Variants in WDR3 observed in about 807,000 individuals in gnomAD.
The protein encoded by WDR3 is WD repeat-containing protein 3.
Under a neutral mutation model 123.7 loss-of-function variants are expected in WDR3, and 81 were observed. The observed-to-expected ratio is 0.65, with a 90% CI of 0.55 to 0.79. WDR3 has a LOEUF of 0.79. WDR3 is among the 30% of genes least tolerant of loss of function. The pLI, the probability that WDR3 is intolerant of heterozygous loss-of-function variation, is 0.00. For missense variants in WDR3, 1,027 were observed against 1,123.2 expected (o/e 0.91, Z 1.22); for synonymous variants, 390 against 388.8 (o/e 1.00, Z -0.04).
intron 11 of WDR3, among the ~76,000 whole-genome samples, chr1:117,945,251 G>A (rs112611485): frequency 8.5e-5 from 13 of 152,254 alleles, no homozygotes; most frequent in African/African-American, 3.1e-4. Context: ...ATCACTTCCA[G>A]TAGTTCCATC....
At position 117,939,511 on chromosome 1, in the gene WDR3, G is replaced by A. The variant is rs148060113; in HGVS notation, c.614G>A (p.Arg205Gln). The change falls in exon 6 of 27, where the codon CGA becomes CAA. Residue 205 changes from arginine (R) to glutamine (Q), a missense_variant. Transcript: ENST00000349139. ...TTGGTTCTGTTGTCAGAAGAAAAGCGACTCATCACTGGGGCCTCAGACAGT... is the reference window on the plus strand; with the variant it reads ...TTGGTTCTGTTGTCAGAAGAAAAGCAACTCATCACTGGGGCCTCAGACAGT... ...WGLVLLSEEK[R>Q]LITGASDSEL... 2.2e-5 allele frequency: 35 copies of A among 1,613,690 alleles called. No homozygotes were observed. Among genetic ancestry groups the A allele is most frequent in the African/African-American group, 1.5e-4 (11 of 74,998 alleles).
chr1:117,963,509 A>T lies in WDR3; in HGVS notation c.*4062A>T, dbSNP rs1053789421. The T allele has an allele frequency of 5.6e-6, 1 of 177,746 alleles. No individual in the cohort carries two copies. The highest frequency in any genetic ancestry group is 1.2e-5 in the Non-Finnish European group (1 of 82,860). The allele number at this position is 177,746 out of a possible 1,614,324, so 11.0% of individuals were successfully genotyped here. A position where few individuals can be genotyped will look rare whatever the true frequency, so the allele number is the denominator to read the frequency against. On this transcript the variant is annotated 3_prime_UTR_variant, in exon 27 of 27. Transcript: ENST00000349139. ...CTCCAGAGTAGCTGGGACTACAGGC[A>T]CCCGCCACCACACTTGGCTGATTTT...
intron 10 of WDR3, 144 bp from the exon 11 acceptor site, chr1:117,943,252 C>T (rs1651243578): frequency 1.4e-6 from 1 of 722,554 alleles, no homozygotes; most frequent in East Asian, 2.8e-5. Context: ...TGCACCCAGC[C>T]TCAGGGCACT....
chr1:117,933,349 T>C lies in WDR3; in HGVS notation c.30T>C (p.Tyr10=). The change falls in exon 2 of 27, where the codon TAT becomes TAC. Residue 10 remains tyrosine (Y), a synonymous_variant. Coordinates refer to ENST00000349139, the MANE Select transcript of WDR3 (RefSeq NM_006784.3). MGLTKQYLR[Y]VASAVFGVIG... ...GGCTCACCAAGCAGTACCTACGCTA[T>C]GTTGCTAGTGCGGTCTTTGGCGTTA... is the stretch of plus-strand genomic sequence containing the variant. 6.2e-7 allele frequency: 1 copy of C among 1,614,226 alleles called. No homozygotes were observed. Among genetic ancestry groups the C allele is most frequent in the South Asian group, 1.1e-5 (1 of 91,092 alleles).
chr1:117,940,860 A>T lies in WDR3; in HGVS notation c.709A>T (p.Ile237Phe). Residue 237 changes from isoleucine (I) to phenylalanine (F), a missense_variant, in exon 7 of 27, where the codon ATC becomes TTC. Physicochemically the swap from Ile to Phe is conservative, Grantham distance 21. Transcript: ENST00000349139. ...EDPEEPDPKK[I>F]KGSSPGIQDT... ...CCCGGAAGAACCAGACCCCAAGAAA[A>T]TCAAAGGATCTTCTCCTGGAATACA... 1 of 1,613,788 alleles carries T rather than the reference A, an allele frequency of 6.2e-7. No individual in the cohort carries two copies. The highest frequency in any genetic ancestry group is 8.5e-7 in the Non-Finnish European group (1 of 1,179,940).
chr1:117,950,931 T>A, intron 16 of WDR3, 41 bp downstream of exon 16: 2 of 1,511,192 alleles, frequency 1.3e-6, no homozygotes, highest in Non-Finnish European at 1.8e-6. Context: ...TGTTGTCTTT[T>A]TTACAGCAGA....
At chr1:117,930,986 C>G (rs1376191319) in intron 1 of WDR3, among the ~76,000 whole-genome samples, 1 of 152,204 alleles carries the variant, frequency 6.6e-6, no homozygotes, top group East Asian at 1.9e-4. Context: ...GTCTCACTGT[C>G]ACCCAGGCTG....
rs1379990428 is a variant in WDR3, at chr1:117,965,988, A to T, written c.*6541A>T. The T allele has an allele frequency of 6.6e-6, 1 of 152,212 alleles. No individual in the cohort carries two copies. Among genetic ancestry groups the T allele is most frequent in the East Asian group, 1.9e-4 (1 of 5,206 alleles). 9.4% of individuals were successfully genotyped at this position (152,212 alleles called of 1,614,324 possible). A position where few individuals can be genotyped will look rare whatever the true frequency, so the allele number is the denominator to read the frequency against. ...CAATCAAGTTTTCACATTCTATAAG[A>T]TCCAGCTCAAAAATCAAATAAATAG... On this transcript the variant is annotated 3_prime_UTR_variant, in exon 27 of 27. Coordinates refer to ENST00000349139, the MANE Select transcript of WDR3 (RefSeq NM_006784.3).
Position 117,943,476 on chromosome 1 carries a change from C to G in WDR3, c.1178C>G (p.Ser393Ter). 1.2e-6 allele frequency: 2 copies of G among 1,614,028 alleles called. No homozygotes were observed. The highest frequency in any genetic ancestry group is 1.7e-6 in the Non-Finnish European group (2 of 1,180,014). ...LLQNNLVELY[S>*]LNPSLPTPQP... The stretch of plus-strand genomic sequence containing the variant: ...CAGAACAACCTGGTGGAATTGTATT[C>G]ACTGAATCCATCCTTGCCTACTCCT... The change falls in exon 11 of 27, where the codon TCA becomes TGA. Residue 393 changes from serine (S) to a stop codon, truncating the protein, a stop_gained. Transcript: ENST00000349139. LOFTEE classifies it high-confidence loss of function.
intron 5 of WDR3, 55 bp downstream of exon 5, chr1:117,938,613 T>C (rs1651026434): frequency 2.0e-6 from 3 of 1,508,724 alleles, no homozygotes; most frequent in Admixed American, 1.9e-5. Context: ...AGGGAAAAGG[T>C]GGTGGTCTTC....
At position 117,960,109 on chromosome 1, in the gene WDR3, CGTGTGTGTGTGTGTGTGT is replaced by C. The variant is rs3059173; in HGVS notation, c.*683_*700del. 37 of 144,504 alleles carry C rather than the reference CGTGTGTGTGTGTGTGTGT, an allele frequency of 2.6e-4. No individual in the cohort carries two copies. Among genetic ancestry groups the C allele is most frequent in the Middle Eastern group, 3.4e-3 (1 of 290 alleles). 9.0% of individuals were successfully genotyped at this position (144,504 alleles called of 1,614,324 possible). Reference sequence around the variant, plus strand: ...TGGGCTTCTGAGGAATTAATACACTCGTGTGTGTGTGTGTGTGTGTGTGTGTGTGTGTGTGTGTATGTG... The same window carrying C: ...TGGGCTTCTGAGGAATTAATACACTCGTGTGTGTGTGTGTGTGTGTATGTG... On this transcript the variant is annotated 3_prime_UTR_variant, in exon 27 of 27. Transcript: ENST00000349139.
At position 117,938,505 on chromosome 1, in the gene WDR3, T is replaced by C; in HGVS notation, c.526T>C (p.Trp176Arg). ...TGGGAAAGATACCATGGTGAAATGG[T>C]GGGACCTTGATACTCAGCACTGCTT... Reference protein sequence around the residue: ...TSGKDTMVKWWDLDTQHCFKT... With the variant: ...TSGKDTMVKWRDLDTQHCFKT... Residue 176 changes from tryptophan to arginine, a missense_variant, in exon 5 of 27, where the codon TGG becomes CGG. By Grantham distance (101) the Trp-to-Arg change is moderately radical (BLOSUM62 -3). Coordinates refer to ENST00000349139, the MANE Select transcript of WDR3 (RefSeq NM_006784.3). 1 of 1,613,398 alleles carries C rather than the reference T, an allele frequency of 6.2e-7. No individual in the cohort carries two copies. The highest frequency in any genetic ancestry group is 1.1e-5 in the South Asian group (1 of 91,060).
Position 117,954,628 on chromosome 1 carries a change from G to GTATA in WDR3, c.2409+2_2409+3insATAT, listed in dbSNP as rs1557826251. 15 of 1,612,094 alleles carry GTATA rather than the reference G, an allele frequency of 9.3e-6. 1 individual carries two copies. Among genetic ancestry groups the GTATA allele is most frequent in the Non-Finnish European group, 1.3e-5 (15 of 1,178,948 alleles). Reference sequence around the variant, plus strand: ...CCTAATGGCTTATGGCAGTATCTCAGTGAGTAAAATGTCTAACGGTTTTCC... The same window carrying GTATA: ...CCTAATGGCTTATGGCAGTATCTCAGTATATGAGTAAAATGTCTAACGGTTTTCC... On this transcript the variant is annotated splice_donor_variant, in intron 23 of 26. Coordinates refer to ENST00000349139, the MANE Select transcript of WDR3 (RefSeq NM_006784.3). LOFTEE classifies it high-confidence loss of function.
chr1:117,954,008 C>T lies in WDR3; in HGVS notation c.2270C>T (p.Ala757Val), dbSNP rs534211169. The T allele has an allele frequency of 6.2e-7, 1 of 1,607,884 alleles. No homozygotes were observed. The highest frequency in any genetic ancestry group is 1.1e-5 in the South Asian group (1 of 90,678). Residue 757 changes from alanine to valine, a missense_variant and splice_region_variant, in exon 22 of 27, where the codon GCT becomes GTT. By Grantham distance (64) the Ala-to-Val change is moderately conservative. Coordinates refer to ENST00000349139, the MANE Select transcript of WDR3 (RefSeq NM_006784.3). ...TCTTTCCTTTCTCATCCTCTGTAGG[C>T]TGAGAGGATTATGGAGGCTATTGAG... ...GKKTIETVKA[A>V]ERIMEAIELY...
intron 1 of WDR3, among the ~76,000 whole-genome samples, chr1:117,930,117 T>C (rs941372485): frequency 6.6e-6 from 1 of 152,136 alleles, no homozygotes; most frequent in Non-Finnish European, 1.5e-5. Flanking sequence ...GTGTGGCAGG[T>C]CTGTTGCCAC....
chr1:117,934,676 G>A lies in WDR3; in HGVS notation c.375G>A (p.Gly125=), dbSNP rs1264001694. 1 of 1,612,914 alleles carries A rather than the reference G, an allele frequency of 6.2e-7. No individual in the cohort carries two copies. The highest frequency in any genetic ancestry group is 2.2e-5 in the East Asian group (1 of 44,896). Residue 125 remains glycine (G), a synonymous_variant, in exon 3 of 27, where the codon GGG becomes GGA. Coordinates refer to ENST00000349139, the MANE Select transcript of WDR3 (RefSeq NM_006784.3). The stretch of plus-strand genomic sequence containing the variant: ...AGCTAGGAGGCAGACTGGCATCTGG[G>A]TCCAAGGTGAGCCTTTGAATCAGCC... ...YDQLGGRLAS[G]SKDTDIIVWD... is the part of the protein sequence containing the mutation.
intron 1 of WDR3, among the ~76,000 whole-genome samples, chr1:117,932,610 A>G (rs938607913): frequency 1.8e-4 from 28 of 152,166 alleles, no homozygotes; most frequent in African/African-American, 6.3e-4. Context: ...TAGGTTTTCA[A>G]TAGATATTCA....
At chr1:117,942,828 T>G (rs1341310101) in intron 10 of WDR3, among the ~76,000 whole-genome samples, 1 of 151,112 alleles carries the variant, frequency 6.6e-6, no homozygotes, top group Non-Finnish European at 1.5e-5. Flanking sequence ...GGATATAAGG[T>G]CACTTATAAA....
intron 1 of WDR3, among the ~76,000 whole-genome samples, 154 bp from the exon 2 acceptor site, chr1:117,933,134 G>A (rs1254758725): frequency 6.6e-6 from 1 of 152,046 alleles, no homozygotes; most frequent in Non-Finnish European, 1.5e-5. Flanking sequence ...AACCTAGGAG[G>A]TGGAGTCAGC....
Sources: gnomAD v4.1 joint callset for allele counts (sites outside exome capture counted in the v4.1 genomes callset) on GRCh38, gnomAD v4.1.1 for gene constraint, MANE v1.5 for transcripts, NCBI Gene and HGNC (gene_info 2026-07-23, HGNC 2026-07-21) for gene names.